The following CNTN4 variants were observed in gnomAD, a reference collection of about 807,000 sequenced individuals.
CNTN4 encodes contactin-4.
Under a neutral mutation model 122.5 loss-of-function variants are expected in CNTN4, and 77 were observed. The observed-to-expected ratio is 0.63, with a 90% CI of 0.52 to 0.76. The LOEUF is 0.76. Ranked by LOEUF, CNTN4 falls within the 30% of genes least tolerant of loss-of-function variation. The pLI is 0.00. For synonymous variants in CNTN4, 512 were observed against 447.0 expected, an observed-to-expected ratio of 1.15 and a Z score of -1.83; for missense variants, 1,256 against 1,259.1, an observed-to-expected ratio of 1.00 and a Z score of 0.04.
intron 3 of CNTN4, among the ~76,000 whole-genome samples, chr3:2,562,636 C>T (rs1281730422): frequency 5.3e-5 from 8 of 151,810 alleles, no homozygotes; most frequent in South Asian, 2.1e-4. Context: ...TCGATGGGCA[C>T]GTAGGTTGAT....
chr3:2,904,943 C>T (rs2094212946), intron 12 of CNTN4, among the ~76,000 whole-genome samples: 1 of 151,980 alleles, frequency 6.6e-6, no homozygotes, highest in Non-Finnish European at 1.5e-5. Flanking sequence ...TTGATAGAAA[C>T]AAATGACTCC....
At chr3:2,304,700 T>C (rs1394424591) in intron 2 of CNTN4, among the ~76,000 whole-genome samples, 1 of 151,604 alleles carries the variant, frequency 6.6e-6, no homozygotes, top group East Asian at 2.0e-4. Flanking sequence ...ATTCCCAGTT[T>C]GTTTGCTCAA....
intron 8 of CNTN4, among the ~76,000 whole-genome samples, chr3:2,875,592 G>A (rs886483751): frequency 1.1e-4 from 16 of 152,176 alleles, no homozygotes; most frequent in African/African-American, 3.9e-4. Flanking sequence ...GCAGAGTTGA[G>A]CAGTAACAGG....
chr3:2,666,360 T>C (rs908932694), intron 4 of CNTN4, among the ~76,000 whole-genome samples: 2 of 152,180 alleles, frequency 1.3e-5, no homozygotes, highest in African/African-American at 4.8e-5. Flanking sequence ...AAATAGGTCA[T>C]TATAAGTAAG....
chr3:2,945,035 T>C (rs181010375), intron 13 of CNTN4, among the ~76,000 whole-genome samples: 15 of 152,178 alleles, frequency 9.9e-5, no homozygotes, highest in Non-Finnish European at 1.3e-4. Flanking sequence ...GGGTATAAGC[T>C]TAGTGGAGGC....
intron 3 of CNTN4, among the ~76,000 whole-genome samples, chr3:2,435,455 A>G (rs1478948690): frequency 6.6e-6 from 1 of 152,138 alleles, no homozygotes; most frequent in Non-Finnish European, 1.5e-5. Flanking sequence ...CATGTTCAGT[A>G]CAGACACAAC....
At chr3:2,160,043 A>G (rs1382266831) in intron 2 of CNTN4, among the ~76,000 whole-genome samples, 2 of 152,182 alleles carry the variant, frequency 1.3e-5, no homozygotes, top group African/African-American at 4.8e-5. Context: ...TGTATTAATA[A>G]AATGGCTTGA....
intron 2 of CNTN4, among the ~76,000 whole-genome samples, chr3:2,287,191 A>T (rs17011818): frequency 0.16 from 24,182 of 152,160 alleles, 2,501 homozygotes; most frequent in East Asian, 0.43. Flanking sequence ...AAACTTGAAC[A>T]ACTGGAGGAA....
At position 2,745,572 on chromosome 3, in the gene CNTN4, G is replaced by A. The variant is rs373352798; in HGVS notation, c.233G>A (p.Ser78Asn). The change falls in exon 6 of 25, where the codon AGT becomes AAT. Residue 78 changes from serine (S) to asparagine (N), a missense_variant. Ser to Asn is a conservative substitution (Grantham distance 46, BLOSUM62 1). Coordinates refer to ENST00000418658, the MANE Select transcript of CNTN4 (RefSeq NM_175607.3). Reference sequence around the variant, plus strand: ...GACACTGGTATGGATTTCCGCTACAGTGTTGTTGAAGGGAGCTTGTTGATC... The same window carrying A: ...GACACTGGTATGGATTTCCGCTACAATGTTGTTGAAGGGAGCTTGTTGATC... ...DVDTGMDFRYSVVEGSLLINN... is the reference protein window; with the variant it reads ...DVDTGMDFRYNVVEGSLLINN... 3.1e-6 allele frequency: 5 copies of A among 1,614,050 alleles called. No homozygotes were observed. In the African/African-American group the frequency reaches 6.7e-5, roughly 22 times the overall value.
intron 3 of CNTN4, among the ~76,000 whole-genome samples, chr3:2,442,211 T>G (rs530789820): frequency 1.1e-4 from 17 of 152,304 alleles, no homozygotes; most frequent in Non-Finnish European, 2.1e-4. Flanking sequence ...CACATTGTTT[T>G]TCTTTCCTTT....
chr3:2,410,422 C>T (rs2047187642), intron 3 of CNTN4, among the ~76,000 whole-genome samples: 1 of 152,130 alleles, frequency 6.6e-6, no homozygotes, highest in Non-Finnish European at 1.5e-5. Flanking sequence ...GCTTTCTATT[C>T]GTCCACTTTA....
intron 4 of CNTN4, among the ~76,000 whole-genome samples, chr3:2,624,756 C>G (rs933126812): frequency 4.6e-5 from 7 of 151,574 alleles, no homozygotes; most frequent in African/African-American, 1.7e-4. Flanking sequence ...CTCAGCTTCC[C>G]CAATAGCTGG....
intron 6 of CNTN4, among the ~76,000 whole-genome samples, 200 bp downstream of exon 6, chr3:2,745,897 T>C (rs151023425): frequency 2.6e-5 from 4 of 152,286 alleles, no homozygotes; most frequent in African/African-American, 9.6e-5. Flanking sequence ...TTCTTCTACT[T>C]CGATAAGGAT....
At chr3:2,883,083 A>C in intron 8 of CNTN4, 62 bp from the exon 9 acceptor site, 1 of 1,161,160 alleles carries the variant, frequency 8.6e-7, no homozygotes, top group South Asian at 1.3e-5. Flanking sequence ...CAGAAAAATG[A>C]GTTTTACATT....
chr3:2,204,718 C>G (rs1441015360), intron 2 of CNTN4, among the ~76,000 whole-genome samples: 2 of 151,774 alleles, frequency 1.3e-5, no homozygotes, highest in Non-Finnish European at 2.9e-5. Flanking sequence ...TCTTTTTAGC[C>G]TACTCACTAT....
chr3:2,480,913 C>T (rs562060563), intron 3 of CNTN4, among the ~76,000 whole-genome samples: 2 of 152,250 alleles, frequency 1.3e-5, no homozygotes, highest in African/African-American at 4.8e-5. Context: ...TAGATCAGAA[C>T]AGAGAGCCCA....
chr3:2,959,154 G>A (rs1304288213), intron 13 of CNTN4, among the ~76,000 whole-genome samples: 3 of 152,108 alleles, frequency 2.0e-5, no homozygotes, highest in African/African-American at 4.8e-5. Flanking sequence ...ATTCCTTTGG[G>A]CAAGGAAATA....
rs988247532 is a variant in CNTN4, at chr3:2,841,121, A to C, written c.454+21540A>C. Among the ~76,000 whole-genome samples, 1 of 152,218 alleles carries C rather than the reference A, an allele frequency of 6.6e-6. No individual in the cohort carries two copies. Among genetic ancestry groups the C allele is most frequent in the African/African-American group, 2.4e-5 (1 of 41,472 alleles). ...ATCTCATCATTGGACTAGATTTCTC[A>C]GTGAAGATAATCTGAGGGTTAATGC... On this transcript the variant is annotated intron_variant, in intron 7 of 24. Coordinates refer to ENST00000418658, the MANE Select transcript of CNTN4 (RefSeq NM_175607.3). This position sits in a 1 kb window ranked among gnomAD's most constrained non-coding sequence, Gnocchi z 4.8.
chr3:2,580,691 A>G (rs557561624), intron 4 of CNTN4, among the ~76,000 whole-genome samples: 7 of 152,324 alleles, frequency 4.6e-5, no homozygotes, highest in East Asian at 1.9e-4. Context: ...TTTGCTTAAC[A>G]GTCTATTTAA....
Sources: gnomAD v4.1 joint callset for allele counts (sites outside exome capture counted in the v4.1 genomes callset) on GRCh38, gnomAD v4.1.1 for gene constraint, Gnocchi (gnomAD v3.1) non-coding constraint, MANE v1.5 for transcripts, NCBI Gene and HGNC (gene_info 2026-07-23, HGNC 2026-07-21) for gene names.